VAT1L: variants seen among roughly 807,000 people sequenced by gnomAD.
The protein encoded by VAT1L is putative NADPH-dependent quinone oxidoreductase VAT1L.
VAT1L carries 34 observed loss-of-function variants against 44.1 expected under a neutral mutation model. The observed-to-expected ratio is 0.77, with a 90% CI of 0.59 to 1.03. The LOEUF (loss-of-function observed/expected upper bound fraction) is 1.03. VAT1L is among the 50% of genes least tolerant of loss of function. VAT1L has a pLI of 0.00. For missense variants in VAT1L, 615 were observed against 538.8 expected (o/e 1.14, Z -1.40); for synonymous variants, 253 against 202.2 (o/e 1.25, Z -2.13).
At chr16:77,907,028 C>T (rs1371935779) in intron 7 of VAT1L, among the ~76,000 whole-genome samples, 1 of 151,938 alleles carries the variant, frequency 6.6e-6, no homozygotes, top group Non-Finnish European at 1.5e-5. Context: ...GAGAAAACTC[C>T]CAATTAGAGG....
At chr16:77,919,498 G>A (rs1008973930) in intron 7 of VAT1L, among the ~76,000 whole-genome samples, 2 of 152,324 alleles carry the variant, frequency 1.3e-5, no homozygotes, top group East Asian at 1.9e-4. Flanking sequence ...CTGCTTAAGA[G>A]AGCTGGGGTA....
chr16:77,844,679 G>C (rs1323670935), intron 3 of VAT1L, among the ~76,000 whole-genome samples: 2 of 152,092 alleles, frequency 1.3e-5, no homozygotes, highest in African/African-American at 4.8e-5. Flanking sequence ...AAAGTGCTGG[G>C]ATTACAGGCG....
rs866601362 is a variant in VAT1L at position 77,795,291 on chromosome 16, A to G, written c.233+6376A>G. ...AGAATTTACAGTGGGGGCGGGGGGAAAGATTGAGAAATTAAGATTTGTTTT... is the reference window on the plus strand; with the variant it reads ...AGAATTTACAGTGGGGGCGGGGGGAGAGATTGAGAAATTAAGATTTGTTTT... On this transcript the variant is annotated intron_variant, in intron 1 of 8. Coordinates refer to ENST00000302536, the MANE Select transcript of VAT1L (RefSeq NM_020927.3). 5.6e-3 allele frequency among the ~76,000 whole-genome samples: 810 copies of G among 144,990 alleles called. 13 individuals are homozygous for G. The highest frequency in any genetic ancestry group is 0.02 in the African/African-American group (743 of 37,920).
intron 8 of VAT1L, among the ~76,000 whole-genome samples, chr16:77,974,664 G>A (rs574722008): frequency 6.6e-6 from 1 of 152,294 alleles, no homozygotes; most frequent in Middle Eastern, 3.4e-3. Context: ...CTGGGTTCAA[G>A]CGATCCTCCC....
At chr16:77,848,605 C>T (rs1244046251) in intron 3 of VAT1L, among the ~76,000 whole-genome samples, 1 of 152,162 alleles carries the variant, frequency 6.6e-6, no homozygotes, top group African/African-American at 2.4e-5. Context: ...TTACCATGCA[C>T]AGGGGCAAAA....
In VAT1L at chr16:77,926,619, C is replaced by T. The variant is rs531380471; in HGVS notation, c.1077+41817C>T. Among the ~76,000 whole-genome samples the T allele has an allele frequency of 7.0e-4, 107 of 152,132 alleles. 2 individuals carry two copies. In the South Asian group the frequency reaches 0.021, roughly 30 times the overall value. ...AAGTAGGGGTAAGAGCTAAAAGATA[C>T]GGTGGTTGATTAAGGACATGGAAGT... On this transcript the variant is annotated intron_variant, in intron 7 of 8. Coordinates refer to ENST00000302536, the MANE Select transcript of VAT1L (RefSeq NM_020927.3).
intron 7 of VAT1L, among the ~76,000 whole-genome samples, chr16:77,946,745 C>T (rs1261812973): frequency 6.6e-6 from 1 of 152,220 alleles, no homozygotes; most frequent in Non-Finnish European, 1.5e-5. Context: ...CCCCAACTTA[C>T]CAAACTCTTG....
chr16:77,841,675 G>C (rs776120307), intron 3 of VAT1L, among the ~76,000 whole-genome samples: 1 of 152,168 alleles, frequency 6.6e-6, no homozygotes, highest in Non-Finnish European at 1.5e-5. Context: ...CTGACAAAGG[G>C]AGAAAGGTGG....
chr16:77,794,156 A>C (rs772411635), intron 1 of VAT1L, among the ~76,000 whole-genome samples: 2 of 152,184 alleles, frequency 1.3e-5, no homozygotes, highest in Non-Finnish European at 2.9e-5. Context: ...CACACACACA[A>C]ATCATGAGAG....
chr16:77,935,062 G>T (rs2017777216), intron 7 of VAT1L, among the ~76,000 whole-genome samples: 1 of 152,094 alleles, frequency 6.6e-6, no homozygotes, highest in Non-Finnish European at 1.5e-5. Flanking sequence ...TCTTTGGGCA[G>T]GTCTCTTCTG....
At chr16:77,892,697 A>G in intron 7 of VAT1L, 1 of 732,380 alleles carries the variant, frequency 1.4e-6, no homozygotes, top group Non-Finnish European at 2.6e-6. Context: ...CCTAAAGCAT[A>G]TAGGTCCTGG....
Position 77,832,241 on chromosome 16 carries a change from G to A in VAT1L, c.579+6780G>A, listed in dbSNP as rs745353047. Reference sequence around the variant, plus strand: ...CTCTGTATAGTCTTTTCAACCTCTCGGTAAAACTAAAGTTATTCCAAGATA... The same window carrying A: ...CTCTGTATAGTCTTTTCAACCTCTCAGTAAAACTAAAGTTATTCCAAGATA... On this transcript the variant is annotated intron_variant, in intron 3 of 8. Coordinates refer to ENST00000302536, the MANE Select transcript of VAT1L (RefSeq NM_020927.3). Among the ~76,000 whole-genome samples, 14 of 151,916 alleles carry A rather than the reference G, an allele frequency of 9.2e-5. 1 individual carries two copies. Among genetic ancestry groups the A allele is most frequent in the Admixed American group, 2.0e-4 (3 of 15,238 alleles).
At position 77,874,839 on chromosome 16, in the gene VAT1L, TAAAAAAAAAAA is replaced by T. The variant is rs769810512; in HGVS notation, c.723-1517_723-1507del. Among the ~76,000 whole-genome samples, 15 of 87,708 alleles carry T rather than the reference TAAAAAAAAAAA, an allele frequency of 1.7e-4. No homozygotes were observed. The East Asian group carries it at 4.5e-3, about 26-fold the overall frequency. The allele number at this position is 87,708 out of a possible 152,430, so 57.5% of individuals were successfully genotyped here. A position where few individuals can be genotyped will look rare whatever the true frequency, so the allele number is the denominator to read the frequency against. On this transcript the variant is annotated intron_variant, in intron 4 of 8. Coordinates refer to ENST00000302536, the MANE Select transcript of VAT1L (RefSeq NM_020927.3). ...AATATTTAATGAACAAATTAATTTG[TAAAAAAAAAAA>T]AAAAAAAAAAAAAGCCAGTCTGGCT...
Position 77,978,780 on chromosome 16 carries a change from C to T in VAT1L, c.*1085C>T, listed in dbSNP as rs539439574. 3.0e-4 allele frequency: 45 copies of T among 152,310 alleles called. No individual in the cohort carries two copies. Among genetic ancestry groups the T allele is most frequent in the African/African-American group, 1.1e-3 (45 of 41,538 alleles). 9.4% of individuals were successfully genotyped at this position (152,310 alleles called of 1,614,324 possible). A position where few individuals can be genotyped will look rare whatever the true frequency, so the allele number is the denominator to read the frequency against. ...CCGGTGTAGAATCTGCAGCGCCCTGCTCTTCGGAAACCAAGGAACAAGCCA... is the reference window on the plus strand; with the variant it reads ...CCGGTGTAGAATCTGCAGCGCCCTGTTCTTCGGAAACCAAGGAACAAGCCA... On this transcript the variant is annotated 3_prime_UTR_variant, in exon 9 of 9. Transcript: ENST00000302536.
intron 7 of VAT1L, among the ~76,000 whole-genome samples, chr16:77,928,961 G>A (rs973200898): frequency 3.3e-5 from 5 of 152,038 alleles, no homozygotes; most frequent in Admixed American, 6.6e-5. Context: ...CTACAGGTGC[G>A]CACCACCATG....
intron 3 of VAT1L, among the ~76,000 whole-genome samples, chr16:77,842,588 A>G (rs1054399899): frequency 2.0e-5 from 3 of 152,226 alleles, no homozygotes; most frequent in Admixed American, 6.5e-5. Flanking sequence ...CCAGGAGAAC[A>G]TGATACTTTG....
chr16:77,846,876 TA>T (rs139591118), intron 3 of VAT1L, among the ~76,000 whole-genome samples: 33,170 of 151,958 alleles, frequency 0.22, 4,057 homozygotes, highest in East Asian at 0.31. Flanking sequence ...ATTCTGTGGA[TA>T]AAAAAAATTA....
intron 7 of VAT1L, among the ~76,000 whole-genome samples, chr16:77,944,910 C>T (rs1172929696): frequency 2.6e-5 from 4 of 152,026 alleles, no homozygotes; most frequent in Admixed American, 6.6e-5. Flanking sequence ...TCCTAGTCTG[C>T]CCCCCGCCAC....
At chr16:77,867,418 T>C (rs941349197) in intron 4 of VAT1L, among the ~76,000 whole-genome samples, 3 of 152,190 alleles carry the variant, frequency 2.0e-5, no homozygotes, top group Admixed American at 6.5e-5. Flanking sequence ...TAAAACTTCA[T>C]TGGGTGGAAA....
Sources: gnomAD v4.1 joint callset for allele counts (sites outside exome capture counted in the v4.1 genomes callset) on GRCh38, gnomAD v4.1.1 for gene constraint, MANE v1.5 for transcripts, NCBI Gene and HGNC (gene_info 2026-07-23, HGNC 2026-07-21) for gene names.